Variants in CYRIB observed in about 807,000 individuals in gnomAD.
CYRIB encodes CYFIP-related Rac1 interactor B.
CYRIB carries 8 observed loss-of-function variants against 44.2 expected under a neutral mutation model. That is an observed-to-expected ratio of 0.18 (90% CI 0.11 to 0.33). CYRIB has a LOEUF of 0.33. Ranked by LOEUF, CYRIB falls within the 10% of genes least tolerant of loss-of-function variation. The pLI, the probability that CYRIB is intolerant of heterozygous loss-of-function variation, is 1.00. For missense variants in CYRIB, 185 were observed against 382.8 expected (o/e 0.48, Z 4.31); for synonymous variants, 131 against 127.2 (o/e 1.03, Z -0.20).
intron 1 of CYRIB, among the ~76,000 whole-genome samples, chr8:130,004,892 G>A (rs762954327): frequency 2.7e-5 from 4 of 149,244 alleles, no homozygotes; most frequent in South Asian, 2.1e-4. Context: ...TCAGCCTCCC[G>A]AGTAGCTGGG....
At chr8:129,848,634 C>T (rs942099877) in intron 10 of CYRIB, among the ~76,000 whole-genome samples, 3 of 152,124 alleles carry the variant, frequency 2.0e-5, no homozygotes, top group African/African-American at 4.8e-5. Flanking sequence ...GTGGTGTGAT[C>T]GTGGCTCACT....
intron 1 of CYRIB, among the ~76,000 whole-genome samples, chr8:130,016,057 G>A (rs1048189352): frequency 2.1e-4 from 32 of 151,318 alleles, no homozygotes; most frequent in African/African-American, 7.5e-4. Context: ...ACAAGGCGCC[G>A]GCTCCGCAGC....
At chr8:129,928,638 T>G (rs1041117926) in intron 1 of CYRIB, among the ~76,000 whole-genome samples, 2 of 149,780 alleles carry the variant, frequency 1.3e-5, no homozygotes, top group African/African-American at 4.9e-5. Flanking sequence ...CCAGCCTGAG[T>G]GACAAAGTAA....
chr8:129,895,322 T>C (rs956356760), intron 2 of CYRIB, among the ~76,000 whole-genome samples: 12 of 151,494 alleles, frequency 7.9e-5, no homozygotes, highest in African/African-American at 2.9e-4. Flanking sequence ...AAATTCTGGA[T>C]ACCACCCTTT....
intron 2 of CYRIB, among the ~76,000 whole-genome samples, chr8:129,884,082 CATTA>C (rs1453053948): frequency 6.6e-6 from 1 of 152,036 alleles, no homozygotes; most frequent in Non-Finnish European, 1.5e-5. Context: ...GTCCTGGAGT[CATTA>C]ATTTCCTTCC....
chr8:129,882,492 T>C (rs887475486), intron 2 of CYRIB, among the ~76,000 whole-genome samples: 15 of 152,198 alleles, frequency 9.9e-5, no homozygotes, highest in African/African-American at 3.6e-4. Context: ...TCTTTTAACA[T>C]AAACCTGAGT....
At chr8:129,889,213 C>T (rs1038106324) in intron 2 of CYRIB, among the ~76,000 whole-genome samples, 5 of 152,098 alleles carry the variant, frequency 3.3e-5, no homozygotes, top group African/African-American at 1.2e-4. Flanking sequence ...ATGGTGTACT[C>T]AATATTCTAA....
At chr8:130,012,356 T>C (rs2097244259) in intron 1 of CYRIB, among the ~76,000 whole-genome samples, 1 of 152,160 alleles carries the variant, frequency 6.6e-6, no homozygotes, top group Non-Finnish European at 1.5e-5. Context: ...TCATAAAGCT[T>C]GGAGGCTCCA....
At chr8:129,887,663 A>G (rs1446102791) in intron 2 of CYRIB, among the ~76,000 whole-genome samples, 1 of 152,224 alleles carries the variant, frequency 6.6e-6, no homozygotes, top group African/African-American at 2.4e-5. Flanking sequence ...GCAGAGCTGC[A>G]AAAGGCATTA....
chr8:129,990,717 T>C (rs1320875794), intron 1 of CYRIB, among the ~76,000 whole-genome samples: 1 of 151,822 alleles, frequency 6.6e-6, no homozygotes, highest in Admixed American at 6.6e-5. Context: ...AGAGACAGCG[T>C]CTCACTATGT....
intron 2 of CYRIB, among the ~76,000 whole-genome samples, chr8:129,953,670 C>T (rs2094622348): frequency 6.6e-6 from 1 of 152,194 alleles, no homozygotes; most frequent in African/African-American, 2.4e-5. Context: ...CAACAAACAG[C>T]TGCAGCTGGT....
chr8:129,980,698 G>A (rs1009021689), intron 1 of CYRIB, among the ~76,000 whole-genome samples: 1 of 151,340 alleles, frequency 6.6e-6, no homozygotes, highest in African/African-American at 2.4e-5. Context: ...ACCATACTAT[G>A]AGGTCAGGCA....
chr8:129,974,163 GC>G (rs1323812660), intron 1 of CYRIB, among the ~76,000 whole-genome samples: 3 of 152,130 alleles, frequency 2.0e-5, no homozygotes, highest in Non-Finnish European at 4.4e-5. Context: ...AGGAGACTCT[GC>G]CCTGTGAATC....
At chr8:129,887,699 G>T (rs2063351228) in intron 2 of CYRIB, among the ~76,000 whole-genome samples, 1 of 152,208 alleles carries the variant, frequency 6.6e-6, no homozygotes, top group Non-Finnish European at 1.5e-5. Context: ...CATCAGTGTG[G>T]CCTGGATATG....
rs192618151 is a variant in CYRIB at position 129,912,968 on chromosome 8, T to C, written c.-49-9618A>G. On this transcript the variant is annotated intron_variant, in intron 1 of 11. Coordinates refer to ENST00000519824, the Ensembl canonical transcript of CYRIB. ...ATACCATGACTTTCAGGAATCTGCT[T>C]CACTTTTTTTTTTTTTTTTTTTGAG... Among the ~76,000 whole-genome samples, 69 of 141,868 alleles carry C rather than the reference T, an allele frequency of 4.9e-4. No individual in the cohort carries two copies. In the South Asian group the frequency reaches 0.011, roughly 23 times the overall value. The allele number at this position is 141,868 out of a possible 152,430, so 93.1% of individuals were successfully genotyped here. A position where few individuals can be genotyped will look rare whatever the true frequency, so the allele number is the denominator to read the frequency against.
intron 3 of CYRIB, among the ~76,000 whole-genome samples, chr8:129,878,142 C>A (rs2059777421): frequency 6.6e-6 from 1 of 152,150 alleles, no homozygotes; most frequent in Non-Finnish European, 1.5e-5. Flanking sequence ...CCCCTAAAAA[C>A]CCAATTTCCC....
upstream of CYRIB, among the ~76,000 whole-genome samples, chr8:129,941,864 A>G (rs1051139556): frequency 1.3e-5 from 2 of 152,198 alleles, no homozygotes; most frequent in African/African-American, 4.8e-5. Flanking sequence ...AACTACAGGG[A>G]GCTCATTACT....
chr8:129,907,709 G>T (rs1281414445), intron 1 of CYRIB, among the ~76,000 whole-genome samples: 1 of 152,094 alleles, frequency 6.6e-6, no homozygotes, highest in African/African-American at 2.4e-5. Context: ...TCAAATGATG[G>T]TACCTATGAT....
intron 1 of CYRIB, among the ~76,000 whole-genome samples, chr8:129,981,077 T>C (rs538219711): frequency 4.6e-5 from 7 of 152,016 alleles, no homozygotes; most frequent in Admixed American, 2.0e-4. Context: ...CGAACTATGG[T>C]GTACTGAAAA....
Sources: gnomAD v4.1 joint callset for allele counts (sites outside exome capture counted in the v4.1 genomes callset) on GRCh38, gnomAD v4.1.1 for gene constraint, MANE v1.5 for transcripts, NCBI Gene and HGNC (gene_info 2026-07-23, HGNC 2026-07-21) for gene names.